Variants in SRD5A3 observed in about 807,000 individuals in gnomAD.
SRD5A3 encodes the protein polyprenal reductase.
Under a neutral mutation model 34.3 loss-of-function variants are expected in SRD5A3, and 24 were observed. The ratio of observed to expected loss-of-function variants is 0.70; its 90% CI spans 0.51 to 0.99. SRD5A3 has a LOEUF of 0.99. Ranked by LOEUF, SRD5A3 falls within the 50% of genes least tolerant of loss-of-function variation. The pLI, the probability that SRD5A3 is intolerant of heterozygous loss-of-function variation, is 0.00. For missense variants in SRD5A3, 350 were observed against 388.2 expected (o/e 0.90, Z 0.83); for synonymous variants, 161 against 167.3 (o/e 0.96, Z 0.29).
intron 4 of SRD5A3, among the ~76,000 whole-genome samples, chr4:55,368,722 G>A (rs561331826): frequency 2.9e-4 from 42 of 144,858 alleles, no homozygotes; most frequent in Middle Eastern, 4.4e-3. Flanking sequence ...CACTACACCC[G>A]GCCTATTATT....
intron 2 of SRD5A3, among the ~76,000 whole-genome samples, chr4:55,360,691 T>TTC (rs1719648996): frequency 6.7e-6 from 1 of 150,078 alleles, no homozygotes; most frequent in Admixed American, 6.6e-5. Flanking sequence ...ATGGAACGTT[T>TTC]TTTTTTTTTT....
intron 3 of SRD5A3, 37 bp downstream of exon 3, chr4:55,364,308 C>A (rs775872968): frequency 3.7e-6 from 6 of 1,609,170 alleles, no homozygotes; most frequent in African/African-American, 1.3e-5. Context: ...CTCCCCACCC[C>A]AGGGTGTATG....
chr4:55,346,444 G>GC lies in SRD5A3; in HGVS notation c.111dup (p.Gly38ArgfsTer33), dbSNP rs766026903. 2 of 1,606,036 alleles carry GC rather than the reference G, an allele frequency of 1.2e-6. No individual in the cohort carries two copies. The highest frequency in any genetic ancestry group is 3.4e-5 in the Admixed American group (2 of 59,458). On this transcript the variant is annotated frameshift_variant, in exon 1 of 5. Transcript: ENST00000264228. LOFTEE classifies it high-confidence loss of function. ...TGACCCTACTGCTGCAGCTCCTGCC[G>GC]CCCGGCCTGCTCCCGGGCTGCGCGA...
chr4:55,364,595 A>G, intron 3 of SRD5A3: 5 of 340,870 alleles, frequency 1.5e-5, no homozygotes, highest in South Asian at 1.3e-4. Context: ...ACACGCCTGT[A>G]GTCCCAGCTA....
rs75357051 is a variant in SRD5A3 at position 55,365,950 on chromosome 4, A to C, written c.563-1638A>C. On this transcript the variant is annotated intron_variant, in intron 3 of 4. Coordinates refer to ENST00000264228, the MANE Select transcript of SRD5A3 (RefSeq NM_024592.5). ...CCTTCATTAGTAATTATTGACACATACTGATTTCACAGGGTTCTTCTTAAA... is the reference window on the plus strand; with the variant it reads ...CCTTCATTAGTAATTATTGACACATCCTGATTTCACAGGGTTCTTCTTAAA... 6.5e-4 allele frequency among the ~76,000 whole-genome samples: 99 copies of C among 152,300 alleles called. 1 individual carries two copies. In the East Asian group the frequency reaches 0.018, roughly 27 times the overall value.
chr4:55,346,661 C>G, intron 1 of SRD5A3, 104 bp downstream of exon 1: 2 of 1,114,372 alleles, frequency 1.8e-6, no homozygotes, highest in Non-Finnish European at 2.4e-6. Context: ...GGGACCCGGC[C>G]TGGGAGGCCC....
chr4:55,361,487 A>T (rs1253154126), intron 2 of SRD5A3, among the ~76,000 whole-genome samples: 3 of 150,998 alleles, frequency 2.0e-5, no homozygotes, highest in Non-Finnish European at 4.4e-5. Flanking sequence ...CGTCTCAAAA[A>T]AAAAAAAAAA....
At chr4:55,348,841 C>T (rs1158460126) in intron 1 of SRD5A3, among the ~76,000 whole-genome samples, 1 of 152,206 alleles carries the variant, frequency 6.6e-6, no homozygotes. Context: ...AGCTCTTATC[C>T]TCTGGTATAC....
chr4:55,367,253 G>C, intron 3 of SRD5A3: 1 of 388,908 alleles, frequency 2.6e-6, no homozygotes, highest in Non-Finnish European at 4.8e-6. Context: ...CACAGTAGGG[G>C]AGCTGAACTT....
chr4:55,354,070 G>A (rs1719326386), intron 1 of SRD5A3, among the ~76,000 whole-genome samples: 1 of 152,130 alleles, frequency 6.6e-6, no homozygotes, highest in Non-Finnish European at 1.5e-5. Context: ...CTGGGGCCTG[G>A]AGTCTGTTCC....
chr4:55,362,517 T>G (rs1719722927), intron 2 of SRD5A3, among the ~76,000 whole-genome samples: 1 of 152,140 alleles, frequency 6.6e-6, no homozygotes. Context: ...TGCCGTGGCA[T>G]GATCATAGCT....
At chr4:55,347,033 C>T (rs1168741754) in intron 1 of SRD5A3, among the ~76,000 whole-genome samples, 3 of 152,240 alleles carry the variant, frequency 2.0e-5, no homozygotes, top group African/African-American at 4.8e-5. Context: ...TCGGCTTCCC[C>T]CGTTTCTCTT....
At chr4:55,347,893 C>A (rs541809724) in intron 1 of SRD5A3, among the ~76,000 whole-genome samples, 42 of 152,242 alleles carry the variant, frequency 2.8e-4, no homozygotes, top group Admixed American at 1.2e-3. Context: ...CCTAGAGGCT[C>A]TTTTTAAGCA....
chr4:55,361,457 A>G (rs1347752575), intron 2 of SRD5A3, among the ~76,000 whole-genome samples: 1 of 147,642 alleles, frequency 6.8e-6, no homozygotes, highest in Non-Finnish European at 1.5e-5. Flanking sequence ...ACTCTAGCCT[A>G]AGAGGACAGA....
chr4:55,367,203 C>T (rs1050218223), intron 3 of SRD5A3: 1 of 274,832 alleles, frequency 3.6e-6, no homozygotes. Flanking sequence ...CTGGACTTAG[C>T]AAGGGAAACA....
At chr4:55,352,191 G>A (rs1719219010) in intron 1 of SRD5A3, 2 of 916,886 alleles carry the variant, frequency 2.2e-6, no homozygotes, top group African/African-American at 1.6e-5. Flanking sequence ...ATAAAGGTTG[G>A]TATCAATGAG....
At chr4:55,364,516 GC>G in intron 3 of SRD5A3, 1 of 503,508 alleles carries the variant, frequency 2.0e-6, no homozygotes, top group Non-Finnish European at 3.6e-6. Flanking sequence ...TTCGAGACCA[GC>G]CTGGCCAACA....
chr4:55,370,055 G>A lies in SRD5A3; in HGVS notation c.921G>A (p.Pro307=), dbSNP rs763516132. The change falls in exon 5 of 5, where the codon CCG becomes CCA. Residue 307 remains proline (P), a synonymous_variant. Coordinates refer to ENST00000264228, the MANE Select transcript of SRD5A3 (RefSeq NM_024592.5). ...ACAAAAGCAAATTTGTCTCTTACCCGAAGCATAGGAAAGCTTTCCTACCAT... is the reference window on the plus strand; with the variant it reads ...ACAAAAGCAAATTTGTCTCTTACCCAAAGCATAGGAAAGCTTTCCTACCAT... ...QFYKSKFVSY[P]KHRKAFLPFL... is the part of the protein sequence containing the mutation. 1.9e-5 allele frequency: 30 copies of A among 1,614,002 alleles called. No individual in the cohort carries two copies. Among genetic ancestry groups the A allele is most frequent in the African/African-American group, 4.0e-5 (3 of 75,006 alleles).
chr4:55,346,505 T>C lies in SRD5A3; in HGVS notation c.169T>C (p.Cys57Arg), dbSNP rs530006860. 29 of 1,601,730 alleles carry C rather than the reference T, an allele frequency of 1.8e-5. No homozygotes were observed. The highest frequency in any genetic ancestry group is 1.7e-4 in the Middle Eastern group (1 of 6,028). The change falls in exon 1 of 5, where the codon TGT becomes CGT. Residue 57 changes from cysteine (C) to arginine (R), a missense_variant. Physicochemically the swap from Cys to Arg is radical, Grantham distance 180. Transcript: ENST00000264228. ...CCTGATCCGCTATGGGAAAACCAAG[T>C]GTGGGGAGCCGTCGCGCCCCGCCGC... ...QDLIRYGKTK[C>R]GEPSRPAACR...
Sources: gnomAD v4.1 joint callset for allele counts (sites outside exome capture counted in the v4.1 genomes callset) on GRCh38, gnomAD v4.1.1 for gene constraint, MANE v1.5 for transcripts, NCBI Gene and HGNC (gene_info 2026-07-23, HGNC 2026-07-21) for gene names.